The following DTX2 variants were observed in gnomAD, a reference collection of about 807,000 sequenced individuals.
DTX2 encodes the protein probable E3 ubiquitin-protein ligase DTX2.
DTX2 carries 29 observed loss-of-function variants against 55.3 expected under a neutral mutation model. The ratio of observed to expected loss-of-function variants is 0.52; its 90% CI spans 0.39 to 0.71. The LOEUF (loss-of-function observed/expected upper bound fraction) is 0.71. Ranked by LOEUF, DTX2 falls within the 30% of genes least tolerant of loss-of-function variation. The pLI is 0.00. For missense variants in DTX2, 537 were observed against 822.5 expected (o/e 0.65, Z 4.25); for synonymous variants, 276 against 340.4 (o/e 0.81, Z 2.08).
In DTX2 at chr7:76,503,554, C is replaced by G; in HGVS notation, c.1518C>G (p.Ile506Met). The G allele has an allele frequency of 1.2e-6, 2 of 1,612,542 alleles. No individual in the cohort carries two copies. Among genetic ancestry groups the G allele is most frequent in the Non-Finnish European group, 1.7e-6 (2 of 1,179,762 alleles). ...SLPGHEDCGTILIVYSIPHGI... is the reference protein window; with the variant it reads ...SLPGHEDCGTMLIVYSIPHGI... ...CCGGCCACGAGGACTGCGGGACCAT[C>G]CTCATAGTTTACAGCATTCCCCATG... is the stretch of plus-strand genomic sequence containing the variant. The change falls in exon 9 of 11, where the codon ATC (isoleucine) becomes ATG (methionine). Residue 506 changes from isoleucine (I) to methionine (M), a missense_variant. By Grantham distance (10) the Ile-to-Met change is conservative (BLOSUM62 1). This residue lies in a region of DTX2 where 121 missense variants were observed against 136.8 expected (regional missense o/e 0.88). Coordinates refer to ENST00000430490, the MANE Select transcript of DTX2 (RefSeq NM_001102594.3).
intron 4 of DTX2, among the ~76,000 whole-genome samples, chr7:76,491,113 T>G (rs1483425479): frequency 1.3e-5 from 2 of 148,672 alleles, no homozygotes; most frequent in African/African-American, 5.0e-5. Context: ...TTCTCCTGCC[T>G]CAGCCTCCCA....
chr7:76,481,835 GTT>G lies in DTX2; in HGVS notation c.269-663_269-662del, dbSNP rs58594004. Among the ~76,000 whole-genome samples the G allele has an allele frequency of 3.8e-4, 56 of 146,970 alleles. No homozygotes were observed. In the South Asian group the frequency reaches 4.1e-3, roughly 11 times the overall value. ...TTTAGTTTTATTTTTAAAAGTATGG[GTT>G]TTTTTTTTTCGTGTTTGTTTGTTTG... On this transcript the variant is annotated intron_variant, in intron 3 of 10. Coordinates refer to ENST00000430490, the MANE Select transcript of DTX2 (RefSeq NM_001102594.3).
intron 7 of DTX2, among the ~76,000 whole-genome samples, chr7:76,500,853 G>C: frequency 6.6e-6 from 1 of 152,110 alleles, no homozygotes; most frequent in Non-Finnish European, 1.5e-5. Context: ...TGCTGGTGTA[G>C]AAGTGAGGTG....
At chr7:76,481,579 G>T (rs1042577903) in intron 3 of DTX2, among the ~76,000 whole-genome samples, 6 of 152,046 alleles carry the variant, frequency 3.9e-5, no homozygotes, top group Non-Finnish European at 7.4e-5. Flanking sequence ...GTCACTGGGG[G>T]TGATTTTGTC....
chr7:76,482,478 G>A (rs542842869), intron 3 of DTX2, 30 bp from the exon 4 acceptor site: 2 of 1,550,568 alleles, frequency 1.3e-6, no homozygotes, highest in African/African-American at 1.4e-5. Flanking sequence ...GATGCTAGCA[G>A]ACTAACCTTT....
At chr7:76,488,678 T>C (rs1218158527) in intron 4 of DTX2, among the ~76,000 whole-genome samples, 9 of 75,028 alleles carry the variant, frequency 1.2e-4, no homozygotes, top group Admixed American at 4.0e-4. Context: ...GGTGGATCAC[T>C]TGAGTTCAGG....
intron 2 of DTX2, among the ~76,000 whole-genome samples, chr7:76,473,231 G>T (rs963044113): frequency 1.3e-5 from 2 of 151,978 alleles, no homozygotes; most frequent in African/African-American, 2.4e-5. Flanking sequence ...TCTTTGGAGA[G>T]GCTTTCTAAC....
rs1291920076 is a variant in DTX2, at chr7:76,505,809, G to T, written c.*208G>T. The T allele has an allele frequency of 1.6e-6, 1 of 627,904 alleles. No individual in the cohort carries two copies. Among genetic ancestry groups the T allele is most frequent in the Non-Finnish European group, 2.8e-6 (1 of 358,536 alleles). 38.9% of individuals were successfully genotyped at this position (627,904 alleles called of 1,614,324 possible). On this transcript the variant is annotated 3_prime_UTR_variant, in exon 11 of 11. Transcript: ENST00000430490. This position sits in a 1 kb window ranked among gnomAD's most constrained non-coding sequence, Gnocchi z 4.4. ...GCAGCCCTGGGCAGTTGTACTCATG[G>T]GGGCTTAGGATGCAGCTACCTCAGT...
chr7:76,477,968 C>G (rs577639787), intron 2 of DTX2, among the ~76,000 whole-genome samples: 2 of 147,916 alleles, frequency 1.4e-5, no homozygotes, highest in African/African-American at 5.0e-5. Context: ...ATTTTCTTAG[C>G]TAGGAGGGCT....
chr7:76,501,381 C>T lies in DTX2; in HGVS notation c.1230+861C>T, dbSNP rs1178492899. On this transcript the variant is annotated intron_variant, in intron 7 of 10. Transcript: ENST00000430490. Reference sequence around the variant, plus strand: ...CCTTGCCACATTCCCGCCTGCCCAGCGCTCAGCTCTGTCTCGGCCCTGGTG... The same window carrying T: ...CCTTGCCACATTCCCGCCTGCCCAGTGCTCAGCTCTGTCTCGGCCCTGGTG... 24 of 431,358 alleles carry T rather than the reference C, an allele frequency of 5.6e-5. No individual in the cohort carries two copies. In the East Asian group the frequency reaches 1.6e-3, roughly 29 times the overall value. The allele number at this position is 431,358 out of a possible 1,614,324, so 26.7% of individuals were successfully genotyped here. A position where few individuals can be genotyped will look rare whatever the true frequency, so the allele number is the denominator to read the frequency against.
intron 8 of DTX2, 125 bp from the exon 9 acceptor site, chr7:76,503,301 C>T: frequency 1.8e-6 from 2 of 1,091,290 alleles, no homozygotes; most frequent in Non-Finnish European, 2.6e-6. Context: ...GGGCAGGAGG[C>T]TGCCAGCAAC....
Position 76,495,466 on chromosome 7 carries a change from G to T in DTX2, c.1010-1871G>T, listed in dbSNP as rs548128521. Among the ~76,000 whole-genome samples the T allele has an allele frequency of 3.9e-5, 6 of 152,278 alleles. No individual in the cohort carries two copies. The East Asian group carries it at 1.2e-3, about 29-fold the overall frequency. The stretch of plus-strand genomic sequence containing the variant: ...GTGTTTTGGGGGCTGTCAGGAGTTT[G>T]GGGGGCTGTCCCTAGCCCTCCTCCT... On this transcript the variant is annotated intron_variant, in intron 5 of 10. Transcript: ENST00000430490.
Position 76,505,102 on chromosome 7 carries a change from C to T in DTX2, c.1642-272C>T, listed in dbSNP as rs558518627. On this transcript the variant is annotated intron_variant, in intron 10 of 10. Coordinates refer to ENST00000430490, the MANE Select transcript of DTX2 (RefSeq NM_001102594.3). The surrounding 1 kb of genome is among the most constrained non-coding windows in gnomAD (Gnocchi z 4.4). ...GCAACGGCTGTGGAAGCAGGGAGGA[C>T]TCGAGCATGGTGCCTGGGCATCAGG... Among the ~76,000 whole-genome samples, 108 of 151,972 alleles carry T rather than the reference C, an allele frequency of 7.1e-4. 2 individuals carry two copies. The South Asian group carries it at 0.021, about 30-fold the overall frequency.
At chr7:76,467,096 A>T (rs1807267776) in intron 2 of DTX2, among the ~76,000 whole-genome samples, 2 of 150,952 alleles carry the variant, frequency 1.3e-5, no homozygotes, top group Admixed American at 1.3e-4. Flanking sequence ...AGGCAGCTTC[A>T]CTGTGTTGCC....
chr7:76,502,471 C>T lies in DTX2; in HGVS notation c.1389+15C>T. 4 of 1,609,012 alleles carry T rather than the reference C, an allele frequency of 2.5e-6. No individual in the cohort carries two copies. Among genetic ancestry groups the T allele is most frequent in the Non-Finnish European group, 3.4e-6 (4 of 1,178,530 alleles). Reference sequence around the variant, plus strand: ...ACGGCAATAAGGTGCCCCCACTGGCCCAGGGCGGAGGCGGGTGGCCCGCCC... The same window carrying T: ...ACGGCAATAAGGTGCCCCCACTGGCTCAGGGCGGAGGCGGGTGGCCCGCCC... On this transcript the variant is annotated intron_variant, in intron 8 of 10. Coordinates refer to ENST00000430490, the MANE Select transcript of DTX2 (RefSeq NM_001102594.3).
At chr7:76,486,891 T>C (rs1442399583) in intron 4 of DTX2, among the ~76,000 whole-genome samples, 1 of 148,988 alleles carries the variant, frequency 6.7e-6, no homozygotes, top group Non-Finnish European at 1.5e-5. Context: ...CTGCTGCCCT[T>C]GCCTCTAAAA....
In DTX2 at chr7:76,505,739, G is replaced by A. The variant is rs946805460; in HGVS notation, c.*138G>A. On this transcript the variant is annotated 3_prime_UTR_variant, in exon 11 of 11. Transcript: ENST00000430490. The surrounding 1 kb of genome is among the most constrained non-coding windows in gnomAD (Gnocchi z 4.4). ...GGGGTGTGCCCCACCTGAAGCCGGG[G>A]CTCCCCCTGCCTGCCTCTCTCTCCT... 2.2e-6 allele frequency: 2 copies of A among 896,830 alleles called. No individual in the cohort carries two copies. Among genetic ancestry groups the A allele is most frequent in the Admixed American group, 2.5e-5 (1 of 39,908 alleles). The allele number at this position is 896,830 out of a possible 1,614,324, so 55.6% of individuals were successfully genotyped here.
chr7:76,482,921 C>A lies in DTX2; in HGVS notation c.682C>A (p.Gln228Lys), dbSNP rs765864484. The A allele has an allele frequency of 4.3e-6, 7 of 1,613,770 alleles. No individual in the cohort carries two copies. The Admixed American group carries it at 1.0e-4, about 23-fold the overall frequency. ...MTNLPAYPVP[Q>K]HPPHRTASVF... ...CAACCTCCCTGCATACCCCGTCCCC[C>A]AGCACCCCCCACACAGGACCGCTTC... The change falls in exon 4 of 11, where the codon CAG becomes AAG. Residue 228 changes from glutamine to lysine, a missense_variant. Gln to Lys is a moderately conservative substitution (Grantham distance 53). Around this residue, in one of 7 missense-constraint regions of DTX2, gnomAD observed 301 missense variants for 396.6 expected, o/e 0.76. Coordinates refer to ENST00000430490, the MANE Select transcript of DTX2 (RefSeq NM_001102594.3).
intron 4 of DTX2, among the ~76,000 whole-genome samples, chr7:76,483,503 C>T (rs1809561003): frequency 6.6e-6 from 1 of 152,194 alleles, no homozygotes. Flanking sequence ...TGACTCCCGC[C>T]TTGTGCCAGG....
Sources: allele counts gnomAD v4.1 joint callset (sites outside exome capture counted in the v4.1 genomes callset), GRCh38; gene constraint gnomAD v4.1.1; regional missense constraint gnomAD v4.1.1; non-coding constraint Gnocchi (gnomAD v3.1); transcripts MANE v1.5; gene names NCBI Gene and HGNC (gene_info 2026-07-23, HGNC 2026-07-21).